KCND2: variants seen among roughly 807,000 people sequenced by gnomAD.
The protein encoded by KCND2 is potassium voltage-gated channel subfamily D member 2.
In KCND2, 16 loss-of-function variants were observed where a neutral mutation model predicts 54.4. The observed-to-expected ratio is 0.29, with a 90% CI of 0.20 to 0.45. KCND2 has a LOEUF of 0.45. KCND2 is among the 20% of genes least tolerant of loss of function. The probability of loss-of-function intolerance (pLI) is 1.00; values close to 1 mark genes in which losing one functional copy is unlikely to be tolerated. For missense variants in KCND2, 486 were observed against 824.2 expected (o/e 0.59, Z 5.02); for synonymous variants, 317 against 310.7 (o/e 1.02, Z -0.21).
At chr7:120,480,570 T>C (rs1040780055) in intron 1 of KCND2, among the ~76,000 whole-genome samples, 4 of 152,194 alleles carry the variant, frequency 2.6e-5, no homozygotes, top group Admixed American at 2.0e-4. Context: ...CTATGCAGAA[T>C]GGATTAATGC....
chr7:120,640,721 C>CCT (rs1256156191), intron 1 of KCND2, among the ~76,000 whole-genome samples: 1 of 152,112 alleles, frequency 6.6e-6, no homozygotes, highest in Non-Finnish European at 1.5e-5. Flanking sequence ...TGTAATAATG[C>CCT]TGCTAATAGT....
chr7:120,407,000 G>A (rs1235548679), intron 1 of KCND2, among the ~76,000 whole-genome samples: 1 of 151,838 alleles, frequency 6.6e-6, no homozygotes, highest in Non-Finnish European at 1.5e-5. Context: ...TATTCCTCGG[G>A]GATGCAGTAA....
At chr7:120,526,286 TAAATC>T (rs767509664) in intron 1 of KCND2, among the ~76,000 whole-genome samples, 3 of 152,180 alleles carry the variant, frequency 2.0e-5, no homozygotes, top group African/African-American at 7.2e-5. Flanking sequence ...AAATGGATCT[TAAATC>T]AAAGGGTTTC....
chr7:120,689,161 G>A (rs1027003300), intron 1 of KCND2, among the ~76,000 whole-genome samples: 7 of 152,080 alleles, frequency 4.6e-5, no homozygotes, highest in African/African-American at 1.4e-4. Context: ...GTAGTGGGCC[G>A]AATTTGGATA....
chr7:120,509,740 C>T (rs995537415), intron 1 of KCND2, among the ~76,000 whole-genome samples: 6 of 152,110 alleles, frequency 3.9e-5, no homozygotes, highest in East Asian at 3.9e-4. Context: ...CAGAGTTTTC[C>T]GTTGCAAAAT....
chr7:120,434,538 T>C (rs1437700549), intron 1 of KCND2, among the ~76,000 whole-genome samples: 1 of 152,256 alleles, frequency 6.6e-6, no homozygotes, highest in Non-Finnish European at 1.5e-5. Flanking sequence ...TCTTTGTTGA[T>C]ATTTTCTTTC....
chr7:120,693,185 C>A (rs139031057), intron 1 of KCND2, among the ~76,000 whole-genome samples: 42 of 152,212 alleles, frequency 2.8e-4, no homozygotes, highest in Non-Finnish European at 2.2e-4. Context: ...TTTGCACTTT[C>A]TATTCATTTT....
At chr7:120,460,016 C>T (rs1327561909) in intron 1 of KCND2, among the ~76,000 whole-genome samples, 1 of 152,134 alleles carries the variant, frequency 6.6e-6, no homozygotes, top group African/African-American at 2.4e-5. Flanking sequence ...TAATGATTCT[C>T]ATCTTCAAAT....
chr7:120,656,871 G>A (rs1185007740), intron 1 of KCND2, among the ~76,000 whole-genome samples: 1 of 152,144 alleles, frequency 6.6e-6, no homozygotes, highest in Non-Finnish European at 1.5e-5. Context: ...GTATAAAGGG[G>A]AACAACAATC....
intron 1 of KCND2, among the ~76,000 whole-genome samples, chr7:120,477,094 A>G (rs1280079476): frequency 6.6e-6 from 1 of 152,188 alleles, no homozygotes; most frequent in African/African-American, 2.4e-5. Context: ...GCAGTGACAG[A>G]ATAGCTTGGA....
At chr7:120,593,046 TC>T (rs1792691140) in intron 1 of KCND2, among the ~76,000 whole-genome samples, 1 of 152,192 alleles carries the variant, frequency 6.6e-6, no homozygotes, top group Non-Finnish European at 1.5e-5. Flanking sequence ...GTTAAAATGA[TC>T]ACAAATATGG....
intron 1 of KCND2, among the ~76,000 whole-genome samples, chr7:120,464,565 A>G (rs1191438590): frequency 6.6e-6 from 1 of 152,200 alleles, no homozygotes; most frequent in Non-Finnish European, 1.5e-5. Context: ...ACAATCCTCT[A>G]CATCAGAAGT....
At chr7:120,583,112 T>TA (rs1426835620) in intron 1 of KCND2, among the ~76,000 whole-genome samples, 3 of 152,148 alleles carry the variant, frequency 2.0e-5, no homozygotes, top group African/African-American at 4.8e-5. Flanking sequence ...ATGGTATAGA[T>TA]ACTTGTAATC....
intron 1 of KCND2, among the ~76,000 whole-genome samples, chr7:120,487,374 TGAA>T (rs1285543143): frequency 6.8e-6 from 1 of 147,770 alleles, no homozygotes; most frequent in African/African-American, 2.5e-5. Flanking sequence ...ACAAGAAAAA[TGAA>T]GAAAGTGAAA....
chr7:120,573,278 C>G (rs919858756), intron 1 of KCND2, among the ~76,000 whole-genome samples: 1 of 152,074 alleles, frequency 6.6e-6, no homozygotes, highest in Admixed American at 6.6e-5. Flanking sequence ...TTATACATTA[C>G]CACAGACATT....
At chr7:120,380,070 C>T (rs17324090) in intron 1 of KCND2, among the ~76,000 whole-genome samples, 7,181 of 151,848 alleles carry the variant, frequency 0.047, 302 homozygotes, top group Non-Finnish European at 0.06. Flanking sequence ...ATCCAATACA[C>T]GAAAATATGA....
At chr7:120,449,353 C>A (rs2116213742) in intron 1 of KCND2, among the ~76,000 whole-genome samples, 1 of 151,524 alleles carries the variant, frequency 6.6e-6, no homozygotes, top group African/African-American at 2.4e-5. Context: ...AATATTTTCT[C>A]CTCTTTAAAG....
At chr7:120,545,635 A>G (rs909401026) in intron 1 of KCND2, among the ~76,000 whole-genome samples, 7 of 151,826 alleles carry the variant, frequency 4.6e-5, no homozygotes, top group African/African-American at 1.4e-4. Context: ...TCTGATTTAA[A>G]TTCTAGGCAT....
intron 1 of KCND2, among the ~76,000 whole-genome samples, chr7:120,351,406 A>T (rs867187708): frequency 0.01 from 1,277 of 123,290 alleles, 13 homozygotes; most frequent in African/African-American, 0.03. Context: ...ACACACACAC[A>T]CACACACTCT....
Sources: gnomAD v4.1 joint callset for allele counts (sites outside exome capture counted in the v4.1 genomes callset) on GRCh38, gnomAD v4.1.1 for gene constraint, MANE v1.5 for transcripts, NCBI Gene and HGNC (gene_info 2026-07-23, HGNC 2026-07-21) for gene names.